Variants in CASZ1 observed in about 807,000 individuals in gnomAD.
CASZ1 encodes castor zinc finger 1.
CASZ1 carries 28 observed loss-of-function variants against 135.2 expected under a neutral mutation model. The observed-to-expected ratio is 0.21, with a 90% CI of 0.15 to 0.28. The LOEUF (loss-of-function observed/expected upper bound fraction) is 0.28. Ranked by LOEUF, CASZ1 falls within the 10% of genes least tolerant of loss-of-function variation. The pLI, the probability that CASZ1 is intolerant of heterozygous loss-of-function variation, is 1.00. For missense variants in CASZ1, 2,161 were observed against 2,453.3 expected (o/e 0.88, Z 2.52); for synonymous variants, 1,068 against 1,073.4 (o/e 0.99, Z 0.10).
Position 10,654,403 on chromosome 1 carries a change from C to G in CASZ1, c.1838+16G>C, listed in dbSNP as rs776572078. On this transcript the variant is annotated intron_variant, in intron 10 of 20. Transcript: ENST00000377022. ...CCGCTTCTGCCCACGAAGGCCCCCA[C>G]CAGGCTCCCGCTTACCTGCAGTGGA... is the stretch of plus-strand genomic sequence containing the variant. 3.1e-6 allele frequency: 5 copies of G among 1,610,796 alleles called. No homozygotes were observed. Among genetic ancestry groups the G allele is most frequent in the Non-Finnish European group, 4.2e-6 (5 of 1,177,754 alleles).
At chr1:10,734,772 C>T (rs1639765501) in intron 2 of CASZ1, among the ~76,000 whole-genome samples, 1 of 152,224 alleles carries the variant, frequency 6.6e-6, no homozygotes, top group Non-Finnish European at 1.5e-5. Context: ...CTAACCGGAG[C>T]ACCACAATGT....
intron 2 of CASZ1, among the ~76,000 whole-genome samples, chr1:10,730,055 T>A (rs1344726407): frequency 6.6e-6 from 1 of 152,152 alleles, no homozygotes. Context: ...CCTCAAGTGA[T>A]CCACTCGCCT....
intron 1 of CASZ1, among the ~76,000 whole-genome samples, chr1:10,781,829 C>T (rs60314749): frequency 6.6e-6 from 1 of 152,196 alleles, no homozygotes; most frequent in African/African-American, 2.4e-5. Flanking sequence ...TATCGTGAAC[C>T]CTCTTTTACA....
chr1:10,650,873 A>ACCACC, intron 12 of CASZ1, 68 bp downstream of exon 12: 2 of 1,605,832 alleles, frequency 1.2e-6, no homozygotes, highest in Non-Finnish European at 1.7e-6. Context: ...CCTGGGCGGG[A>ACCACC]CCACCCCGGG....
chr1:10,783,113 C>T (rs184465293), intron 1 of CASZ1, among the ~76,000 whole-genome samples: 20 of 152,336 alleles, frequency 1.3e-4, no homozygotes, highest in African/African-American at 4.1e-4. Context: ...TCAACACACA[C>T]GGCCCTCCCG....
chr1:10,641,527 G>C (rs1642201682), intron 20 of CASZ1, among the ~76,000 whole-genome samples: 1 of 152,250 alleles, frequency 6.6e-6, no homozygotes, highest in African/African-American at 2.4e-5. Context: ...CGGGGCCTGA[G>C]TCCACAGAGA....
chr1:10,689,411 G>A (rs144477271), intron 4 of CASZ1, among the ~76,000 whole-genome samples: 214 of 152,342 alleles, frequency 1.4e-3, no homozygotes, highest in African/African-American at 5.0e-3. Context: ...GGGGCTGTGG[G>A]GGCTGGGGGA....
chr1:10,660,567 T>C (rs1253209293), intron 5 of CASZ1, 31 bp from the exon 6 acceptor site: 5 of 1,561,962 alleles, frequency 3.2e-6, no homozygotes, highest in Non-Finnish European at 4.3e-6. Context: ...GCATCACCTC[T>C]GGGAGGGAGT....
At position 10,732,549 on chromosome 1, in the gene CASZ1, G is replaced by A. The variant is rs151194234; in HGVS notation, c.-76-27005C>T. ...CTGGCCTTAGAGGTGGTGTGGGCCT[G>A]CTTCACTGATGCTGCCAGGATATCT... On this transcript the variant is annotated intron_variant, in intron 2 of 20. Coordinates refer to ENST00000377022, the MANE Select transcript of CASZ1 (RefSeq NM_001079843.3). Among the ~76,000 whole-genome samples the A allele has an allele frequency of 1.5e-3, 228 of 152,236 alleles. 6 individuals are homozygous for A. In the East Asian group the frequency reaches 0.034, roughly 23 times the overall value.
At chr1:10,765,939 C>G (rs1324599601) in intron 1 of CASZ1, among the ~76,000 whole-genome samples, 1 of 152,164 alleles carries the variant, frequency 6.6e-6, no homozygotes, top group African/African-American at 2.4e-5. Flanking sequence ...GAGCTGTGTG[C>G]CAAAAACAAT....
chr1:10,768,056 G>C (rs1198338942), intron 1 of CASZ1, among the ~76,000 whole-genome samples: 1 of 152,194 alleles, frequency 6.6e-6, no homozygotes, highest in African/African-American at 2.4e-5. Context: ...ACAAGGAGCG[G>C]GAGGCCTGCA....
chr1:10,659,878 C>A lies in CASZ1; in HGVS notation c.1164G>T (p.Lys388Asn), dbSNP rs570411712. 2 of 1,611,088 alleles carry A rather than the reference C, an allele frequency of 1.2e-6. No individual in the cohort carries two copies. The highest frequency in any genetic ancestry group is 1.1e-5 in the South Asian group (1 of 90,898). ...GAGCCAGGCTGGGGGTGGGCGGAAC[C>A]TTGGCGGGGCCTGGCTTCTGGATGC... is the stretch of plus-strand genomic sequence containing the variant. ...VRGIQKPGPA[K>N]VPPTPSLAPA... Residue 388 changes from lysine to asparagine, a missense_variant, in exon 6 of 21, where the codon AAG becomes AAT. Lys to Asn is a moderately conservative substitution (Grantham distance 94). Around this residue, in one of 7 missense-constraint regions of CASZ1, gnomAD observed 590 missense variants for 609.8 expected, o/e 0.97. Transcript: ENST00000377022.
rs926489896 is a variant in CASZ1 at position 10,694,846 on chromosome 1, C to A, written c.-23-934G>T. On this transcript the variant is annotated intron_variant, in intron 3 of 20. Coordinates refer to ENST00000377022, the MANE Select transcript of CASZ1 (RefSeq NM_001079843.3). This position sits in a 1 kb window ranked among gnomAD's most constrained non-coding sequence, Gnocchi z 6.6. ...ACCCGGCGCGGGGCGGGGAACGCGG[C>A]CCGAGTAAGGCGCCCGCGGGCACGC... 7.0e-6 allele frequency among the ~76,000 whole-genome samples: 1 copy of A among 143,666 alleles called. No homozygotes were observed. The highest frequency in any genetic ancestry group is 1.5e-5 in the Non-Finnish European group (1 of 64,858). 94.3% of individuals were successfully genotyped at this position (143,666 alleles called of 152,430 possible). A position where few individuals can be genotyped will look rare whatever the true frequency, so the allele number is the denominator to read the frequency against.
intron 2 of CASZ1, among the ~76,000 whole-genome samples, chr1:10,750,268 T>C (rs960392740): frequency 1.3e-5 from 2 of 152,132 alleles, no homozygotes; most frequent in Non-Finnish European, 2.9e-5. Flanking sequence ...TTCGATTTTC[T>C]TTTCTTTTCT....
intron 2 of CASZ1, among the ~76,000 whole-genome samples, chr1:10,760,253 C>T (rs558167364): frequency 6.6e-6 from 1 of 152,330 alleles, no homozygotes; most frequent in African/African-American, 2.4e-5. Flanking sequence ...TGGAGAAAGG[C>T]TGGAACTACT....
chr1:10,778,851 GGGA>G (rs1640708691), intron 1 of CASZ1, among the ~76,000 whole-genome samples: 1 of 152,158 alleles, frequency 6.6e-6, no homozygotes, highest in African/African-American at 2.4e-5. Context: ...CAGAACACCA[GGGA>G]CCCGCCTGGA....
chr1:10,671,638 C>T (rs1214425673), intron 4 of CASZ1, among the ~76,000 whole-genome samples: 2 of 152,188 alleles, frequency 1.3e-5, no homozygotes, highest in African/African-American at 4.8e-5. Flanking sequence ...CCAAGCTTTT[C>T]CCTTTCCCAG....
intron 6 of CASZ1, among the ~76,000 whole-genome samples, chr1:10,658,817 G>A (rs545550552): frequency 6.6e-6 from 1 of 152,352 alleles, no homozygotes; most frequent in South Asian, 2.1e-4. Flanking sequence ...CCTTGGGCAC[G>A]GGCTGGCAAG....
intron 2 of CASZ1, among the ~76,000 whole-genome samples, chr1:10,748,066 C>A (rs1317812508): frequency 6.6e-6 from 1 of 152,206 alleles, no homozygotes; most frequent in African/African-American, 2.4e-5. Flanking sequence ...GATCCGCCCG[C>A]CTCGGCCTCC....
Sources: allele counts gnomAD v4.1 joint callset (sites outside exome capture counted in the v4.1 genomes callset), GRCh38; gene constraint gnomAD v4.1.1; regional missense constraint gnomAD v4.1.1; non-coding constraint Gnocchi (gnomAD v3.1); transcripts MANE v1.5; gene names NCBI Gene and HGNC (gene_info 2026-07-23, HGNC 2026-07-21).